KCNH7: variants seen among roughly 807,000 people sequenced by gnomAD.
The protein encoded by KCNH7 is voltage-gated inwardly rectifying potassium channel KCNH7.
Under a neutral mutation model 120.8 loss-of-function variants are expected in KCNH7, and 49 were observed. The observed-to-expected ratio is 0.41, with a 90% CI of 0.32 to 0.51. The LOEUF (loss-of-function observed/expected upper bound fraction) is 0.51. Among genes scored for constraint, KCNH7 ranks in the 20% least tolerant of loss-of-function variants. KCNH7 has a pLI of 0.38. For synonymous variants in KCNH7, 547 were observed against 516.1 expected (o/e 1.06, Z -0.81); for missense variants, 1,097 against 1,446.6 (o/e 0.76, Z 3.92).
At chr2:162,380,964 G>A (rs1247513224) in intron 13 of KCNH7, among the ~76,000 whole-genome samples, 1 of 151,976 alleles carries the variant, frequency 6.6e-6, no homozygotes, top group Non-Finnish European at 1.5e-5. Flanking sequence ...GGGAAAATAT[G>A]TCCTTTCCCC....
chr2:162,723,841 C>T (rs76301539), intron 2 of KCNH7, among the ~76,000 whole-genome samples: 3,657 of 152,232 alleles, frequency 0.024, 157 homozygotes, highest in African/African-American at 0.082. Flanking sequence ...TAATACCTTA[C>T]TTTTGGGGCC....
rs1687909980 is a variant in KCNH7 at position 162,427,642 on chromosome 2, C to T, written c.1955-4107G>A. Among the ~76,000 whole-genome samples the T allele has an allele frequency of 4.0e-5, 6 of 151,684 alleles. No homozygotes were observed. The South Asian group carries it at 1.0e-3, about 26-fold the overall frequency. On this transcript the variant is annotated intron_variant, in intron 8 of 15. Coordinates refer to ENST00000332142, the MANE Select transcript of KCNH7 (RefSeq NM_033272.4). ...TTGAAAATATTTTCTTCCAGTCTAC[C>T]ATTTGTCCATTCCTTTTCTTAATGG... is the stretch of plus-strand genomic sequence containing the variant.
chr2:162,576,456 G>C (rs931117063), intron 2 of KCNH7, among the ~76,000 whole-genome samples: 9 of 151,980 alleles, frequency 5.9e-5, no homozygotes, highest in African/African-American at 1.7e-4. Flanking sequence ...ACTTGGAATT[G>C]GACCTATTCC....
At chr2:162,581,133 T>C (rs1390918547) in intron 2 of KCNH7, among the ~76,000 whole-genome samples, 1 of 152,018 alleles carries the variant, frequency 6.6e-6, no homozygotes, top group Non-Finnish European at 1.5e-5. Context: ...CAACTGAAAT[T>C]TGATAGATCC....
intron 2 of KCNH7, among the ~76,000 whole-genome samples, chr2:162,633,262 A>T (rs1216945105): frequency 6.6e-6 from 1 of 151,882 alleles, no homozygotes; most frequent in Non-Finnish European, 1.5e-5. Flanking sequence ...CCTTTTAAAG[A>T]TAAGAAAAAT....
chr2:162,607,664 A>G (rs2105965152), intron 2 of KCNH7, among the ~76,000 whole-genome samples: 1 of 152,306 alleles, frequency 6.6e-6, no homozygotes, highest in Middle Eastern at 3.4e-3. Context: ...ACAAGTAATC[A>G]TTAAAGCTAT....
chr2:162,460,759 A>G (rs1689120810), intron 6 of KCNH7, among the ~76,000 whole-genome samples: 1 of 152,160 alleles, frequency 6.6e-6, no homozygotes, highest in Non-Finnish European at 1.5e-5. Context: ...AGTTCATGGT[A>G]GTTTGTTATG....
chr2:162,374,774 C>T (rs1440322300), intron 14 of KCNH7, among the ~76,000 whole-genome samples: 1 of 151,896 alleles, frequency 6.6e-6, no homozygotes, highest in Admixed American at 6.6e-5. Context: ...CACAATAACA[C>T]ATTATTCTTG....
At chr2:162,480,300 C>T (rs902439134) in intron 6 of KCNH7, among the ~76,000 whole-genome samples, 7 of 152,256 alleles carry the variant, frequency 4.6e-5, no homozygotes, top group Admixed American at 3.9e-4. Flanking sequence ...TACATTCATT[C>T]TCCTCCTTCA....
In KCNH7 at chr2:162,573,877, A is replaced by T. The variant is rs187375741; in HGVS notation, c.308-36797T>A. Among the ~76,000 whole-genome samples, 35 of 152,172 alleles carry T rather than the reference A, an allele frequency of 2.3e-4. 1 individual carries two copies. Among genetic ancestry groups the T allele is most frequent in the Non-Finnish European group, 2.9e-5 (2 of 67,964 alleles). ...ATATTTGAATCACAGTTTAATACCT[A>T]TGCAAGGACATTGTGGCATATAGTT... On this transcript the variant is annotated intron_variant, in intron 2 of 15. Coordinates refer to ENST00000332142, the MANE Select transcript of KCNH7 (RefSeq NM_033272.4).
At chr2:162,711,043 A>T (rs1686911246) in intron 2 of KCNH7, among the ~76,000 whole-genome samples, 1 of 152,198 alleles carries the variant, frequency 6.6e-6, no homozygotes, top group Non-Finnish European at 1.5e-5. Flanking sequence ...TTACCATTAT[A>T]CTTTCTATAA....
chr2:162,393,232 C>T (rs1443702252), intron 12 of KCNH7, among the ~76,000 whole-genome samples: 1 of 151,898 alleles, frequency 6.6e-6, no homozygotes, highest in African/African-American at 2.4e-5. Context: ...TTCCAGGGTG[C>T]ACCATGAGTT....
At chr2:162,826,464 T>G (rs1354765657) in intron 2 of KCNH7, among the ~76,000 whole-genome samples, 1 of 152,142 alleles carries the variant, frequency 6.6e-6, no homozygotes, top group East Asian at 1.9e-4. Flanking sequence ...AAGAGTGATT[T>G]GTTATGTCTT....
intron 6 of KCNH7, chr2:162,496,912 C>T (rs1690516144): frequency 6.6e-6 from 1 of 152,092 alleles, no homozygotes; most frequent in Non-Finnish European, 1.5e-5. Flanking sequence ...AACTACAGAA[C>T]ATGTTAAGAT....
intron 2 of KCNH7, among the ~76,000 whole-genome samples, chr2:162,640,401 T>C (rs1042079080): frequency 6.6e-6 from 1 of 152,012 alleles, no homozygotes; most frequent in African/African-American, 2.4e-5. Context: ...CCCACATAAA[T>C]ATGCCTGCCT....
At chr2:162,754,419 A>G (rs554059317) in intron 2 of KCNH7, among the ~76,000 whole-genome samples, 56 of 152,186 alleles carry the variant, frequency 3.7e-4, no homozygotes, top group Non-Finnish European at 7.6e-4. Flanking sequence ...ATTTCTAGCA[A>G]AAATTAAATT....
chr2:162,522,896 T>C (rs767437776), intron 3 of KCNH7, among the ~76,000 whole-genome samples: 1 of 151,850 alleles, frequency 6.6e-6, no homozygotes, highest in South Asian at 2.1e-4. Flanking sequence ...TCTCAGGACA[T>C]GTCATTTTTG....
chr2:162,621,389 C>A (rs1683353724), intron 2 of KCNH7, among the ~76,000 whole-genome samples: 1 of 149,964 alleles, frequency 6.7e-6, no homozygotes, highest in African/African-American at 2.5e-5. Flanking sequence ...TGAGAACACT[C>A]CTTTTCTCTG....
chr2:162,377,382 T>C (rs923007635), intron 14 of KCNH7, among the ~76,000 whole-genome samples: 4 of 152,060 alleles, frequency 2.6e-5, no homozygotes, highest in African/African-American at 9.7e-5. Context: ...AAGGAAAAGA[T>C]ATTTATATGG....
Sources: gnomAD v4.1 joint callset for allele counts (sites outside exome capture counted in the v4.1 genomes callset) on GRCh38, gnomAD v4.1.1 for gene constraint, MANE v1.5 for transcripts, NCBI Gene and HGNC (gene_info 2026-07-23, HGNC 2026-07-21) for gene names.